The following LRIG3 variants were observed in gnomAD, a reference collection of about 807,000 sequenced individuals.
The protein encoded by LRIG3 is leucine-rich repeats and immunoglobulin-like domains protein 3.
Under a neutral mutation model 114.5 loss-of-function variants are expected in LRIG3, and 76 were observed. The ratio of observed to expected loss-of-function variants is 0.66; its 90% CI spans 0.55 to 0.80. The LOEUF is 0.80. LRIG3 is among the 30% of genes least tolerant of loss of function. The pLI is 0.00. For missense variants in LRIG3, 1,239 were observed against 1,382.8 expected (o/e 0.90, Z 1.65); for synonymous variants, 512 against 519.8 (o/e 0.98, Z 0.20).
At chr12:58,884,590 T>A (rs536249327) in intron 10 of LRIG3, among the ~76,000 whole-genome samples, 2 of 152,314 alleles carry the variant, frequency 1.3e-5, no homozygotes, top group East Asian at 1.9e-4. Context: ...CAATAAATAC[T>A]GCAATGTTGG....
At chr12:58,918,616 A>C (rs563861820) in intron 1 of LRIG3, among the ~76,000 whole-genome samples, 68 of 152,288 alleles carry the variant, frequency 4.5e-4, no homozygotes, top group African/African-American at 1.5e-3. Flanking sequence ...AGTCATTTAC[A>C]TGTTCAGTTC....
chr12:58,907,722 T>C (rs776100208), intron 3 of LRIG3, among the ~76,000 whole-genome samples: 3 of 152,202 alleles, frequency 2.0e-5, no homozygotes, highest in African/African-American at 4.8e-5. Flanking sequence ...GACAGGTTAG[T>C]AGTGTGAGAC....
intron 3 of LRIG3, among the ~76,000 whole-genome samples, chr12:58,899,984 T>A (rs1260198440): frequency 6.6e-6 from 1 of 152,176 alleles, no homozygotes; most frequent in African/African-American, 2.4e-5. Context: ...AGTATTCATA[T>A]TTGACTTAAT....
Position 58,879,067 on chromosome 12 carries a change from T to C in LRIG3, c.1840A>G (p.Ile614Val), listed in dbSNP as rs2120879558. The C allele has an allele frequency of 1.9e-6, 3 of 1,613,872 alleles. No homozygotes were observed. The highest frequency in any genetic ancestry group is 2.7e-5 in the African/African-American group (2 of 75,032). ...AAGCGTGCCATGGCCCCAGCTCGGATGGTGAGATCCATGGGGGTCTTGGTG... is the reference window on the plus strand; with the variant it reads ...AAGCGTGCCATGGCCCCAGCTCGGACGGTGAGATCCATGGGGGTCTTGGTG... ...SFTKTPMDLT[I>V]RAGAMARLEC... Residue 614 changes from isoleucine (I) to valine (V), a missense_variant, in exon 14 of 19, where the codon ATC becomes GTC. By Grantham distance (29) the Ile-to-Val change is conservative. Transcript: ENST00000320743.
At position 58,877,366 on chromosome 12, in the gene LRIG3, T is replaced by G. The variant is rs1187350039; in HGVS notation, c.2536+34A>C. ...TTGCAGAACCACAAATACACATGACTCCGGTGACCTGTGCCAAGCTTCTGT... is the reference window on the plus strand; with the variant it reads ...TTGCAGAACCACAAATACACATGACGCCGGTGACCTGTGCCAAGCTTCTGT... On this transcript the variant is annotated intron_variant, in intron 15 of 18. Coordinates refer to ENST00000320743, the MANE Select transcript of LRIG3 (RefSeq NM_153377.5). The G allele has an allele frequency of 6.3e-6, 10 of 1,597,838 alleles. No individual in the cohort carries two copies. In the African/African-American group the frequency reaches 1.3e-4, roughly 21 times the overall value.
Position 58,920,281 on chromosome 12 carries a change from C to A in LRIG3, c.-46G>T. On this transcript the variant is annotated 5_prime_UTR_variant, in exon 1 of 19. Transcript: ENST00000320743. ...CTCTACCCGAAGCTCCCAGCCGGCGCGCGCTCGGGGCCCGGCACAAACTTC... is the reference window on the plus strand; with the variant it reads ...CTCTACCCGAAGCTCCCAGCCGGCGAGCGCTCGGGGCCCGGCACAAACTTC... 2 of 1,290,410 alleles carry A rather than the reference C, an allele frequency of 1.5e-6. No homozygotes were observed. Among genetic ancestry groups the A allele is most frequent in the South Asian group, 4.6e-5 (2 of 43,862 alleles). 79.9% of individuals were successfully genotyped at this position (1,290,410 alleles called of 1,614,324 possible).
chr12:58,879,798 T>C (rs1276132234), intron 13 of LRIG3, among the ~76,000 whole-genome samples: 3 of 152,198 alleles, frequency 2.0e-5, no homozygotes, highest in African/African-American at 7.2e-5. Flanking sequence ...TTTCACTAAA[T>C]GAGCATAATG....
intron 3 of LRIG3, among the ~76,000 whole-genome samples, chr12:58,892,609 T>A (rs896575367): frequency 6.6e-6 from 1 of 152,318 alleles, no homozygotes; most frequent in East Asian, 1.9e-4. Context: ...TACTGAGATA[T>A]TCTTAGAAGC....
intron 3 of LRIG3, among the ~76,000 whole-genome samples, chr12:58,908,805 T>C (rs1872166043): frequency 6.6e-6 from 1 of 152,178 alleles, no homozygotes; most frequent in African/African-American, 2.4e-5. Context: ...ATTCATACAT[T>C]CATAGATAAT....
At chr12:58,884,923 A>G (rs1871226870) in intron 10 of LRIG3, among the ~76,000 whole-genome samples, 1 of 152,222 alleles carries the variant, frequency 6.6e-6, no homozygotes, top group East Asian at 1.9e-4. Flanking sequence ...CGTAAAACAT[A>G]CATCCATGGT....
chr12:58,894,054 G>T (rs1001741820), intron 3 of LRIG3, among the ~76,000 whole-genome samples: 7 of 152,158 alleles, frequency 4.6e-5, no homozygotes, highest in Non-Finnish European at 8.8e-5. Flanking sequence ...ACAGTCTTTG[G>T]TTTATATATC....
chr12:58,876,562 A>G lies in LRIG3; in HGVS notation c.2578T>C (p.Ser860Pro). The change falls in exon 16 of 19, where the codon TCT becomes CCT. Residue 860 changes from serine (S) to proline (P), a missense_variant. Coordinates refer to ENST00000320743, the MANE Select transcript of LRIG3 (RefSeq NM_153377.5). ...TGCCTGTCAGCTAACGTTCCCTGAG[A>G]TGACAAATAACTAGGAATATCTGCT... is the stretch of plus-strand genomic sequence containing the variant. ...LPADIPSYLS[S>P]QGTLADRQDG... The G allele has an allele frequency of 6.2e-7, 1 of 1,614,200 alleles. No homozygotes were observed. Among genetic ancestry groups the G allele is most frequent in the East Asian group, 2.2e-5 (1 of 44,878 alleles).
chr12:58,883,623 C>T (rs745418117), intron 10 of LRIG3, 32 bp from the exon 11 acceptor site: 10 of 1,482,736 alleles, frequency 6.7e-6, no homozygotes, highest in Non-Finnish European at 9.2e-6. Flanking sequence ...TGCATCAGAG[C>T]AAACTACCAT....
chr12:58,916,576 C>G (rs576455074), intron 1 of LRIG3, among the ~76,000 whole-genome samples: 2 of 152,236 alleles, frequency 1.3e-5, no homozygotes, highest in South Asian at 4.2e-4. Flanking sequence ...TCGATGTTTT[C>G]TTAAACCCAG....
At chr12:58,911,660 TAAC>T (rs1363104422) in intron 3 of LRIG3, among the ~76,000 whole-genome samples, 2 of 151,248 alleles carry the variant, frequency 1.3e-5, no homozygotes, top group Non-Finnish European at 3.0e-5. Flanking sequence ...TTATATAACT[TAAC>T]AGATTTTTTT....
intron 10 of LRIG3, among the ~76,000 whole-genome samples, chr12:58,883,868 T>C (rs1011508840): frequency 6.6e-6 from 1 of 152,228 alleles, no homozygotes; most frequent in East Asian, 1.9e-4. Context: ...TGCTGTTCTA[T>C]TATTTCATTC....
rs1390547327 is a variant in LRIG3 at position 58,874,248 on chromosome 12, A to G, written c.2922T>C (p.Ser974=). The change falls in exon 18 of 19, where the codon TCT becomes TCC. Residue 974 remains serine (S), a synonymous_variant. Coordinates refer to ENST00000320743, the MANE Select transcript of LRIG3 (RefSeq NM_153377.5). ...GTTCGCAGGATTCTTCTGAAGGATG[A>G]GAACATGGGTAGCACTCCTTTTTCT... ...YIKKKECYPC[S]HPSEESCERS... 2 of 1,614,222 alleles carry G rather than the reference A, an allele frequency of 1.2e-6. No homozygotes were observed. Among genetic ancestry groups the G allele is most frequent in the Non-Finnish European group, 1.7e-6 (2 of 1,180,036 alleles).
intron 11 of LRIG3, 102 bp from the exon 12 acceptor site, chr12:58,883,134 T>C: frequency 3.7e-6 from 4 of 1,095,510 alleles, no homozygotes; most frequent in Non-Finnish European, 5.2e-6. Flanking sequence ...ATTTGGAAAC[T>C]GAATACACAC....
At chr12:58,880,446 G>T (rs1317283036) in intron 13 of LRIG3, 135 bp downstream of exon 13, 3 of 877,152 alleles carry the variant, frequency 3.4e-6, no homozygotes, top group Non-Finnish European at 5.5e-6. Flanking sequence ...TTTGTGGAAT[G>T]AAAGGTAGGG....
Sources: allele counts gnomAD v4.1 joint callset (sites outside exome capture counted in the v4.1 genomes callset), GRCh38; gene constraint gnomAD v4.1.1; transcripts MANE v1.5; gene names NCBI Gene and HGNC (gene_info 2026-07-23, HGNC 2026-07-21).